The following DPY19L1 variants were observed in gnomAD, a reference collection of about 807,000 sequenced individuals.
DPY19L1 encodes dpy-19 like C-mannosyltransferase 1, also known as protein C-mannosyl-transferase DPY19L1.
In DPY19L1, 35 loss-of-function variants were observed where a neutral mutation model predicts 96.9. The ratio of observed to expected loss-of-function variants is 0.36; its 90% confidence interval spans 0.28 to 0.48. The LOEUF (loss-of-function observed/expected upper bound fraction) is 0.48, where lower values mean the gene tolerates loss of function less well. DPY19L1 is among the 20% of genes least tolerant of loss of function. DPY19L1 has a pLI of 0.99. For missense variants in DPY19L1, 521 were observed against 777.9 expected (o/e 0.67, Z 3.93); for synonymous variants, 205 against 252.6 (o/e 0.81, Z 1.79).
Position 34,972,279 on chromosome 7 carries a change from T to C in DPY19L1, c.914+1235A>G, listed in dbSNP as rs113834203. Among the ~76,000 whole-genome samples the C allele has an allele frequency of 5.1e-4, 78 of 152,278 alleles. No homozygotes were observed. In the East Asian group the frequency reaches 0.012, roughly 23 times the overall value. ...ACTTCAGAGCTAGAAAACTCCAAGA[T>C]AGTAGATCCCAGTTTGTGGTGATGG... On this transcript the variant is annotated intron_variant, in intron 8 of 21. Coordinates refer to ENST00000638088, the MANE Select transcript of DPY19L1 (RefSeq NM_001366673.1).
rs1467953862 is a variant in DPY19L1 at position 35,018,477 on chromosome 7, T to A, written c.323+95A>T. The A allele has an allele frequency of 5.3e-6, 6 of 1,129,540 alleles. No individual in the cohort carries two copies. The Admixed American group carries it at 1.2e-4, about 23-fold the overall frequency. The allele number at this position is 1,129,540 out of a possible 1,614,324, so 70.0% of individuals were successfully genotyped here. A position where few individuals can be genotyped will look rare whatever the true frequency, so the allele number is the denominator to read the frequency against. On this transcript the variant is annotated intron_variant, in intron 2 of 21. Transcript: ENST00000638088. ...TACATGTAATATATATTCATACTGA[T>A]CATGCTGAAATTATTCCTTTAAATG...
chr7:34,950,016 A>T, intron 13 of DPY19L1, 118 bp from the exon 14 acceptor site: 1 of 520,348 alleles, frequency 1.9e-6, no homozygotes, highest in Non-Finnish European at 3.3e-6. Context: ...TCCCACACCA[A>T]GCCTGCTTTT....
chr7:34,974,474 T>C (rs751553732), intron 7 of DPY19L1, among the ~76,000 whole-genome samples: 2 of 152,212 alleles, frequency 1.3e-5, no homozygotes, highest in Non-Finnish European at 2.9e-5. Context: ...AGTGCTGCTA[T>C]AGAAAGACTG....
At chr7:35,024,258 G>C (rs1786070383) in intron 1 of DPY19L1, among the ~76,000 whole-genome samples, 1 of 152,084 alleles carries the variant, frequency 6.6e-6, no homozygotes, top group Admixed American at 6.5e-5. Context: ...AAGACTTTTG[G>C]CATTACTAAC....
chr7:34,942,011 T>G, intron 17 of DPY19L1, 127 bp from the exon 18 acceptor site: 1 of 1,015,432 alleles, frequency 9.8e-7, no homozygotes, highest in South Asian at 1.9e-5. Context: ...TTTCTGAAAC[T>G]TCGAAAACAA....
At chr7:35,004,824 TA>T (rs1214989986) in intron 6 of DPY19L1, among the ~76,000 whole-genome samples, 1 of 152,110 alleles carries the variant, frequency 6.6e-6, no homozygotes, top group Non-Finnish European at 1.5e-5. Flanking sequence ...TGGGATACAA[TA>T]AACAAAAGTC....
At chr7:34,968,877 T>G (rs73341418) in intron 9 of DPY19L1, among the ~76,000 whole-genome samples, 2,458 of 151,786 alleles carry the variant, frequency 0.016, 60 homozygotes, top group African/African-American at 0.057. Flanking sequence ...ATATGTAATT[T>G]ACTCCCTCTC....
chr7:34,944,347 C>T (rs2128782643), intron 16 of DPY19L1, among the ~76,000 whole-genome samples: 2 of 113,888 alleles, frequency 1.8e-5, no homozygotes, highest in Middle Eastern at 9.1e-3. Flanking sequence ...GCCTGGGTGA[C>T]AGAGTGAGGC....
intron 7 of DPY19L1, among the ~76,000 whole-genome samples, chr7:34,989,168 A>G (rs34247470): frequency 2.0e-5 from 3 of 152,220 alleles, no homozygotes; most frequent in Non-Finnish European, 2.9e-5. Context: ...AAAGTACTTA[A>G]AAGAGTATCA....
At chr7:34,933,337 C>T (rs1380313422) in intron 21 of DPY19L1, among the ~76,000 whole-genome samples, 3 of 152,216 alleles carry the variant, frequency 2.0e-5, no homozygotes, top group Non-Finnish European at 2.9e-5. Flanking sequence ...TATTATGCTT[C>T]GCATCCTGGT....
chr7:34,941,779 T>G lies in DPY19L1; in HGVS notation c.1675A>C (p.Ile559Leu), dbSNP rs1784021794. The part of the protein sequence containing the change: ...TPHMCVMASL[I>L]CSRQLFGWLF... ...TAACATGTTACCTGTCTTGAGCAGA[T>G]CAGTGATGCCATAACACACATGTGT... The change falls in exon 18 of 22, where the codon ATC becomes CTC. Residue 559 changes from isoleucine to leucine, a missense_variant. Physicochemically the swap from Ile to Leu is conservative, Grantham distance 5. Coordinates refer to ENST00000638088, the MANE Select transcript of DPY19L1 (RefSeq NM_001366673.1). 1 of 1,599,570 alleles carries G rather than the reference T, an allele frequency of 6.3e-7. No homozygotes were observed. Among genetic ancestry groups the G allele is most frequent in the Non-Finnish European group, 8.5e-7 (1 of 1,176,550 alleles).
At chr7:34,959,176 T>C (rs555609555) in intron 10 of DPY19L1, among the ~76,000 whole-genome samples, 4 of 152,172 alleles carry the variant, frequency 2.6e-5, no homozygotes, top group Non-Finnish European at 5.9e-5. Flanking sequence ...TAACATCTCA[T>C]GCCAGTTAGA....
At chr7:35,015,110 T>A (rs1000973103) in intron 3 of DPY19L1, among the ~76,000 whole-genome samples, 1 of 152,234 alleles carries the variant, frequency 6.6e-6, no homozygotes, top group Non-Finnish European at 1.5e-5. Flanking sequence ...CTTGTTGCAC[T>A]TCTTTATGAC....
chr7:34,962,261 A>T (rs973417265), intron 10 of DPY19L1, among the ~76,000 whole-genome samples: 4 of 152,248 alleles, frequency 2.6e-5, no homozygotes, highest in Non-Finnish European at 5.9e-5. Context: ...TGTTAATAAT[A>T]ATCAAGATCT....
rs57262214 is a variant in DPY19L1, at chr7:35,027,668, T to TAAAAAAAAAAAAAAA, written c.299-9087_299-9073dup. ...CAACATGGCAAAACCCCGTCTCTAC[T>TAAAAAAAAAAAAAAA]AAAAAAAAAAAAAAAAAAAATTAGT... On this transcript the variant is annotated intron_variant, in intron 1 of 21. Transcript: ENST00000638088. Among the ~76,000 whole-genome samples the TAAAAAAAAAAAAAAA allele has an allele frequency of 1.2e-3, 89 of 71,348 alleles. 4 individuals are homozygous for TAAAAAAAAAAAAAAA. The highest frequency in any genetic ancestry group is 3.1e-3 in the African/African-American group (70 of 22,872). The allele number at this position is 71,348 out of a possible 152,430, so 46.8% of individuals were successfully genotyped here.
rs763651855 is a variant in DPY19L1, at chr7:34,931,682, T to C, written c.2138A>G (p.Asn713Ser). ...GTTACATAAGGGAGTTTTCCCAGCA[T>C]TGGCAGGATCTTCTACATCCCAAAT... ...PEIWDVEDPA[N>S]AGKTPLCNLL... The change falls in exon 22 of 22, where the codon AAT becomes AGT. Residue 713 changes from asparagine to serine, a missense_variant. Transcript: ENST00000638088. 30 of 1,586,908 alleles carry C rather than the reference T, an allele frequency of 1.9e-5. No individual in the cohort carries two copies. The highest frequency in any genetic ancestry group is 7.3e-5 in the Admixed American group (4 of 54,660).
At chr7:34,980,246 G>T (rs1294157931) in intron 7 of DPY19L1, among the ~76,000 whole-genome samples, 1 of 152,100 alleles carries the variant, frequency 6.6e-6, no homozygotes, top group Non-Finnish European at 1.5e-5. Flanking sequence ...ATTTCATACT[G>T]TATACAAGAT....
At chr7:34,952,100 G>C (rs1434508131) in intron 13 of DPY19L1, among the ~76,000 whole-genome samples, 9 of 130,408 alleles carry the variant, frequency 6.9e-5, no homozygotes, top group Non-Finnish European at 1.5e-4. Context: ...TAAGTTGCCA[G>C]AAAGTAGGAA....
intron 7 of DPY19L1, among the ~76,000 whole-genome samples, chr7:34,985,415 G>C (rs1358769436): frequency 6.6e-6 from 1 of 152,096 alleles, no homozygotes; most frequent in African/African-American, 2.4e-5. Flanking sequence ...GAAAATATCT[G>C]CAAACCACAC....
Sources: allele counts gnomAD v4.1 joint callset (sites outside exome capture counted in the v4.1 genomes callset), GRCh38; gene constraint gnomAD v4.1.1; transcripts MANE v1.5; gene names NCBI Gene and HGNC (gene_info 2026-07-23, HGNC 2026-07-21).